Variants in MGRN1 observed in about 807,000 individuals in gnomAD.
MGRN1 encodes E3 ubiquitin-protein ligase MGRN1.
MGRN1 carries 29 observed loss-of-function variants against 69.2 expected under a neutral mutation model. The observed-to-expected ratio is 0.42, with a 90% CI of 0.31 to 0.57. The LOEUF is 0.57. MGRN1 is among the 20% of genes least tolerant of loss of function. MGRN1 has a pLI of 0.15. For synonymous variants in MGRN1, 470 were observed against 344.2 expected, an observed-to-expected ratio of 1.37 and a Z score of -4.04; for missense variants, 998 against 796.2, an observed-to-expected ratio of 1.25 and a Z score of -3.05.
chr16:4,684,294 A>G (rs2079257537), intron 16 of MGRN1, among the ~76,000 whole-genome samples: 1 of 152,220 alleles, frequency 6.6e-6, no homozygotes, highest in African/African-American at 2.4e-5. Flanking sequence ...ATCCGGCCCC[A>G]CTGGGATCAC....
At chr16:4,636,370 C>T (rs1253436857) in intron 1 of MGRN1, among the ~76,000 whole-genome samples, 2 of 152,022 alleles carry the variant, frequency 1.3e-5, no homozygotes, top group South Asian at 2.1e-4. Flanking sequence ...ATGCAATGGC[C>T]GGGCGGGGTT....
At chr16:4,679,588 C>T (rs867597629) in intron 11 of MGRN1, among the ~76,000 whole-genome samples, 77 of 152,330 alleles carry the variant, frequency 5.1e-4, no homozygotes, top group African/African-American at 1.7e-3. Context: ...CCCCAGCCCT[C>T]TTGAGGGGTT....
At chr16:4,685,990 C>T (rs1053391903) in intron 16 of MGRN1, among the ~76,000 whole-genome samples, 1 of 152,220 alleles carries the variant, frequency 6.6e-6, no homozygotes, top group African/African-American at 2.4e-5. Flanking sequence ...GGACTGCGCC[C>T]GTTAGGTCCT....
intron 1 of MGRN1, chr16:4,649,866 C>G (rs998386402): frequency 6.4e-6 from 1 of 155,138 alleles, no homozygotes; most frequent in Non-Finnish European, 1.4e-5. Flanking sequence ...TTGGAAGGCC[C>G]GAGGCCAGGT....
intron 13 of MGRN1, among the ~76,000 whole-genome samples, chr16:4,682,240 G>A (rs929698920): frequency 6.6e-6 from 1 of 152,232 alleles, no homozygotes; most frequent in African/African-American, 2.4e-5. Context: ...GACGAGCCAC[G>A]GGGCACGGTC....
chr16:4,670,526 G>A (rs4786536), intron 8 of MGRN1, among the ~76,000 whole-genome samples: 1 of 152,234 alleles, frequency 6.6e-6, no homozygotes, highest in African/African-American at 2.4e-5. Context: ...GATGATAGGT[G>A]TAAGCCACTG....
At chr16:4,664,438 G>T in intron 5 of MGRN1, 2 of 497,170 alleles carry the variant, frequency 4.0e-6, no homozygotes, top group Admixed American at 3.7e-5. Flanking sequence ...GAAATGGATG[G>T]TGGCGGTTGC....
intron 1 of MGRN1, among the ~76,000 whole-genome samples, chr16:4,644,802 C>T (rs1297624336): frequency 2.0e-5 from 3 of 152,102 alleles, no homozygotes; most frequent in African/African-American, 4.8e-5. Context: ...AATTCACTTA[C>T]CATGGGGACA....
Position 4,681,589 on chromosome 16 carries a change from C to T in MGRN1, c.1171C>T (p.Leu391=). ...CCCACCTGGCTACGAGCCCATCTCGCTGCTCGAGGCGCTCAACGGCCTCCG... is the reference window on the plus strand; with the variant it reads ...CCCACCTGGCTACGAGCCCATCTCGTTGCTCGAGGCGCTCAACGGCCTCCG... ...SVPPGYEPIS[L]LEALNGLRAV... is the part of the protein sequence containing the mutation. Residue 391 remains leucine, a synonymous_variant, in exon 13 of 17, where the codon CTG becomes TTG. Transcript: ENST00000262370. 6.2e-7 allele frequency: 1 copy of T among 1,613,526 alleles called. No individual in the cohort carries two copies. The highest frequency in any genetic ancestry group is 8.5e-7 in the Non-Finnish European group (1 of 1,179,974).
At chr16:4,653,464 T>A (rs1238608215) in intron 4 of MGRN1, among the ~76,000 whole-genome samples, 1 of 152,160 alleles carries the variant, frequency 6.6e-6, no homozygotes, top group Non-Finnish European at 1.5e-5. Flanking sequence ...TGGGCTGAAA[T>A]TCAGTTCCAG....
chr16:4,682,676 C>T, intron 13 of MGRN1, 147 bp from the exon 14 acceptor site: 1 of 961,920 alleles, frequency 1.0e-6, no homozygotes, highest in Non-Finnish European at 1.4e-6. Context: ...GTCCCGGTGG[C>T]TGGTGATGCC....
At chr16:4,630,540 C>T (rs1210642055) in intron 1 of MGRN1, among the ~76,000 whole-genome samples, 7 of 151,438 alleles carry the variant, frequency 4.6e-5, no homozygotes, top group Admixed American at 3.3e-4. Flanking sequence ...AGCCTCTGCC[C>T]GGGTTCCAGC....
intron 1 of MGRN1, among the ~76,000 whole-genome samples, chr16:4,637,412 A>G (rs530540293): frequency 2.6e-5 from 4 of 152,188 alleles, no homozygotes; most frequent in Non-Finnish European, 5.9e-5. Context: ...CCTGAGCGAC[A>G]GAGTGAGACT....
chr16:4,687,626 C>T, intron 16 of MGRN1: 1 of 935,860 alleles, frequency 1.1e-6, no homozygotes, highest in Non-Finnish European at 1.3e-6. Context: ...AGAGAGAAGG[C>T]AGCTCCAGGA....
At chr16:4,637,200 C>T (rs948329991) in intron 1 of MGRN1, among the ~76,000 whole-genome samples, 2 of 149,976 alleles carry the variant, frequency 1.3e-5, no homozygotes, top group Admixed American at 6.7e-5. Context: ...GAGGCTGAGG[C>T]GGGCAGATCA....
intron 5 of MGRN1, 143 bp downstream of exon 5, chr16:4,657,506 A>G (rs2078574106): frequency 2.5e-6 from 2 of 810,490 alleles, no homozygotes; most frequent in South Asian, 1.6e-5. Flanking sequence ...GTCTGTGCTC[A>G]GGTGGACGTG....
chr16:4,636,832 T>C (rs989315427), intron 1 of MGRN1, among the ~76,000 whole-genome samples: 3 of 152,046 alleles, frequency 2.0e-5, no homozygotes, highest in African/African-American at 7.2e-5. Context: ...ATTAAAACAA[T>C]TGAGTGGCCA....
rs2078957119 is a variant in MGRN1 at position 4,672,341 on chromosome 16, C to T, written c.795+882C>T. 3 of 456,616 alleles carry T rather than the reference C, an allele frequency of 6.6e-6. No individual in the cohort carries two copies. The Admixed American group carries it at 7.0e-5, about 11-fold the overall frequency. 28.3% of individuals were successfully genotyped at this position (456,616 alleles called of 1,614,324 possible). A position where few individuals can be genotyped will look rare whatever the true frequency, so the allele number is the denominator to read the frequency against. Reference sequence around the variant, plus strand: ...GGATTTCAGGCCTGAGACCACCACGCCTGGTCGATGAACTTGTTAAAAGGC... The same window carrying T: ...GGATTTCAGGCCTGAGACCACCACGTCTGGTCGATGAACTTGTTAAAAGGC... On this transcript the variant is annotated intron_variant, in intron 9 of 16. Transcript: ENST00000262370.
At chr16:4,630,937 A>C (rs1486544288) in intron 1 of MGRN1, among the ~76,000 whole-genome samples, 1 of 151,500 alleles carries the variant, frequency 6.6e-6, no homozygotes, top group Non-Finnish European at 1.5e-5. Context: ...CAGCCTCCCA[A>C]GTAGCTGGGT....
Sources: allele counts gnomAD v4.1 joint callset (sites outside exome capture counted in the v4.1 genomes callset), GRCh38; gene constraint gnomAD v4.1.1; transcripts MANE v1.5; gene names NCBI Gene and HGNC (gene_info 2026-07-23, HGNC 2026-07-21).